GALNT18: variants seen among roughly 807,000 people sequenced by gnomAD.
GALNT18 encodes polypeptide N-acetylgalactosaminyltransferase 18.
In GALNT18, 44 loss-of-function variants were observed where a neutral mutation model predicts 69.5. That is an observed-to-expected ratio of 0.63 (90% CI 0.50 to 0.81). GALNT18 has a LOEUF of 0.81. GALNT18 is among the 40% of genes least tolerant of loss of function. GALNT18 has a pLI of 0.00. For missense variants in GALNT18, 715 were observed against 810.0 expected, an observed-to-expected ratio of 0.88 and a Z score of 1.42; for synonymous variants, 364 against 318.2, an observed-to-expected ratio of 1.14 and a Z score of -1.53.
intron 10 of GALNT18, among the ~76,000 whole-genome samples, chr11:11,287,776 A>G (rs1849220285): frequency 6.6e-6 from 1 of 152,150 alleles, no homozygotes; most frequent in South Asian, 2.1e-4. Flanking sequence ...CTGATGCGGG[A>G]GACATCAGCT....
rs1032926843 is a variant in GALNT18 at position 11,413,666 on chromosome 11, C to G, written c.595+18955G>C. On this transcript the variant is annotated intron_variant, in intron 3 of 10. Coordinates refer to ENST00000227756, the MANE Select transcript of GALNT18 (RefSeq NM_198516.3). This position sits in a 1 kb window ranked among gnomAD's most constrained non-coding sequence, Gnocchi z 4.7. Reference sequence around the variant, plus strand: ...CTGCACCCGGGGCCCCAGCATGGAGCAGAGGGAGTCTGGGAAGTTGACTAC... The same window carrying G: ...CTGCACCCGGGGCCCCAGCATGGAGGAGAGGGAGTCTGGGAAGTTGACTAC... Among the ~76,000 whole-genome samples, 43 of 152,200 alleles carry G rather than the reference C, an allele frequency of 2.8e-4. No homozygotes were observed. The highest frequency in any genetic ancestry group is 1.0e-3 in the African/African-American group (42 of 41,454).
rs903762392 is a variant in GALNT18 at position 11,463,682 on chromosome 11, C to T, written c.236-14746G>A. Among the ~76,000 whole-genome samples the T allele has an allele frequency of 6.6e-6, 1 of 152,198 alleles. No individual in the cohort carries two copies. ...TTGTCCTTCGAAAAAACTGAACAAACAGGCCCTCCCAACCCCAGGCCCTGG... is the reference window on the plus strand; with the variant it reads ...TTGTCCTTCGAAAAAACTGAACAAATAGGCCCTCCCAACCCCAGGCCCTGG... On this transcript the variant is annotated intron_variant, in intron 1 of 10. Coordinates refer to ENST00000227756, the MANE Select transcript of GALNT18 (RefSeq NM_198516.3). The surrounding 1 kb of genome is among the most constrained non-coding windows in gnomAD (Gnocchi z 4.2).
chr11:11,335,235 A>G (rs2133051765), intron 7 of GALNT18, among the ~76,000 whole-genome samples: 1 of 152,304 alleles, frequency 6.6e-6, no homozygotes, highest in South Asian at 2.1e-4. Flanking sequence ...AGAGAGGTAC[A>G]ATCCACCAGG....
Position 11,385,298 on chromosome 11 carries a change from ATTT to A in GALNT18, c.596-6037_596-6035del, listed in dbSNP as rs113464471. On this transcript the variant is annotated intron_variant, in intron 3 of 10. Coordinates refer to ENST00000227756, the MANE Select transcript of GALNT18 (RefSeq NM_198516.3). ...CCCCACCTCCACTATTGGGGATCAA[ATTT>A]TTTTTTTTTTTTGAGACAGAGTCTC... Among the ~76,000 whole-genome samples the A allele has an allele frequency of 1.3e-4, 19 of 146,294 alleles. No homozygotes were observed. The East Asian group carries it at 2.6e-3, about 20-fold the overall frequency.
chr11:11,351,014 C>A lies in GALNT18; in HGVS notation c.1093-10010G>T, dbSNP rs750424784. On this transcript the variant is annotated intron_variant, in intron 6 of 10. Coordinates refer to ENST00000227756, the MANE Select transcript of GALNT18 (RefSeq NM_198516.3). ...GGTGACCAAAGAGGCATGGTCCCTG[C>A]AGGCACCAGTTTCCAGAGGTTCAAT... is the stretch of plus-strand genomic sequence containing the variant. Among the ~76,000 whole-genome samples the A allele has an allele frequency of 4.1e-4, 62 of 152,158 alleles. 1 individual carries two copies. The highest frequency in any genetic ancestry group is 3.9e-4 in the Admixed American group (6 of 15,274).
intron 1 of GALNT18, among the ~76,000 whole-genome samples, chr11:11,610,984 A>G (rs1196562170): frequency 6.6e-6 from 1 of 152,218 alleles, no homozygotes; most frequent in African/African-American, 2.4e-5. Context: ...GAAACCAGAA[A>G]ACCCCTCTGC....
chr11:11,566,204 A>G (rs1230463014), intron 1 of GALNT18, among the ~76,000 whole-genome samples: 1 of 152,256 alleles, frequency 6.6e-6, no homozygotes, highest in Non-Finnish European at 1.5e-5. Context: ...AGAGTCAAAT[A>G]GTAAAATATT....
chr11:11,300,907 G>T lies in GALNT18; in HGVS notation c.1513-7714C>A, dbSNP rs963414833. ...AAGGTTGAAAACCAGCTGGGTTAAG[G>T]AGAGTTTGGGAAGCCTAGGAGTGAA... On this transcript the variant is annotated intron_variant, in intron 9 of 10. Transcript: ENST00000227756. Among the ~76,000 whole-genome samples the T allele has an allele frequency of 2.0e-5, 3 of 152,180 alleles. No individual in the cohort carries two copies. In the East Asian group the frequency reaches 5.8e-4, roughly 29 times the overall value.
intron 1 of GALNT18, among the ~76,000 whole-genome samples, chr11:11,521,450 G>C (rs965768921): frequency 6.6e-6 from 1 of 151,924 alleles, no homozygotes; most frequent in Non-Finnish European, 1.5e-5. Flanking sequence ...GACTCTCTAA[G>C]TCCCTTCATA....
intron 1 of GALNT18, among the ~76,000 whole-genome samples, chr11:11,526,442 T>C (rs1180154778): frequency 6.6e-6 from 1 of 152,228 alleles, no homozygotes; most frequent in Non-Finnish European, 1.5e-5. Flanking sequence ...CTTCTTTCAT[T>C]GTCTTTCTGC....
intron 9 of GALNT18, among the ~76,000 whole-genome samples, chr11:11,319,223 C>T (rs144067883): frequency 3.1e-3 from 469 of 152,324 alleles, no homozygotes; most frequent in African/African-American, 0.01. Context: ...GCCCTTCTTA[C>T]ACCTTCACCA....
In GALNT18 at chr11:11,377,488, C is replaced by T; in HGVS notation, c.780-109G>A. The T allele has an allele frequency of 1.1e-6, 1 of 912,024 alleles. No homozygotes were observed. Among genetic ancestry groups the T allele is most frequent in the Non-Finnish European group, 1.7e-6 (1 of 579,916 alleles). 56.5% of individuals were successfully genotyped at this position (912,024 alleles called of 1,614,324 possible). A position where few individuals can be genotyped will look rare whatever the true frequency, so the allele number is the denominator to read the frequency against. On this transcript the variant is annotated intron_variant, in intron 4 of 10. Transcript: ENST00000227756. This position sits in a 1 kb window ranked among gnomAD's most constrained non-coding sequence, Gnocchi z 4.6. ...CAGCAGAAAGAGGAAGGAAGGCCTG[C>T]CCATCTCCTCTGATGGAGAGGTGCA...
At chr11:11,485,347 G>A (rs1487365244) in intron 1 of GALNT18, among the ~76,000 whole-genome samples, 1 of 152,150 alleles carries the variant, frequency 6.6e-6, no homozygotes, top group Non-Finnish European at 1.5e-5. Flanking sequence ...AGATTCCTAT[G>A]ACCCCCTCCT....
intron 1 of GALNT18, among the ~76,000 whole-genome samples, chr11:11,482,310 C>G (rs1856548662): frequency 6.6e-6 from 1 of 152,258 alleles, no homozygotes; most frequent in Non-Finnish European, 1.5e-5. Context: ...GCATTTGGCT[C>G]TGCCCTAGAG....
intron 1 of GALNT18, among the ~76,000 whole-genome samples, chr11:11,593,001 C>T (rs912310832): frequency 2.6e-5 from 4 of 152,104 alleles, no homozygotes; most frequent in African/African-American, 9.7e-5. Flanking sequence ...CTGCAAGCTG[C>T]GCCTCTCGGG....
intron 1 of GALNT18, among the ~76,000 whole-genome samples, chr11:11,579,433 A>G (rs1859017953): frequency 6.6e-6 from 1 of 152,204 alleles, no homozygotes; most frequent in Non-Finnish European, 1.5e-5. Flanking sequence ...GTGTGTCCAA[A>G]TAAACTCCTA....
Position 11,271,171 on chromosome 11 carries a change from G to C in GALNT18, c.1797C>G (p.Thr599=). 6.2e-7 allele frequency: 1 copy of C among 1,613,730 alleles called. No individual in the cohort carries two copies. The highest frequency in any genetic ancestry group is 8.5e-7 in the Non-Finnish European group (1 of 1,179,700). The part of the protein sequence containing the change: ...QKCSGQHWSI[T]NVLRSLAS ...AGGACGCGAGGCTCCTCAGGACGTTGGTGATGCTCCAGTGCTGGCCCGAGC... is the reference window on the plus strand; with the variant it reads ...AGGACGCGAGGCTCCTCAGGACGTTCGTGATGCTCCAGTGCTGGCCCGAGC... The change falls in exon 11 of 11, where the codon ACC becomes ACG. Residue 599 remains threonine, a synonymous_variant. Transcript: ENST00000227756.
intron 1 of GALNT18, among the ~76,000 whole-genome samples, chr11:11,608,090 C>T (rs1300732197): frequency 6.6e-6 from 1 of 152,158 alleles, no homozygotes; most frequent in Non-Finnish European, 1.5e-5. Flanking sequence ...TGAGATGTGA[C>T]CAGCATTAGT....
chr11:11,554,910 G>C (rs1433099764), intron 1 of GALNT18, among the ~76,000 whole-genome samples: 2 of 152,188 alleles, frequency 1.3e-5, no homozygotes, highest in Non-Finnish European at 2.9e-5. Context: ...GGGTCCCGGA[G>C]GGAGCAGACA....
Sources: allele counts gnomAD v4.1 joint callset (sites outside exome capture counted in the v4.1 genomes callset), GRCh38; gene constraint gnomAD v4.1.1; non-coding constraint Gnocchi (gnomAD v3.1); transcripts MANE v1.5; gene names NCBI Gene and HGNC (gene_info 2026-07-23, HGNC 2026-07-21).